ADAM23: variants seen among roughly 807,000 people sequenced by gnomAD.
The protein encoded by ADAM23 is disintegrin and metalloproteinase domain-containing protein 23.
In ADAM23, 33 loss-of-function variants were observed where a neutral mutation model predicts 120.1. The ratio of observed to expected loss-of-function variants is 0.27; its 90% CI spans 0.21 to 0.37. The LOEUF is 0.37. Ranked by LOEUF, ADAM23 falls within the 10% of genes least tolerant of loss-of-function variation. The pLI is 1.00. For synonymous variants in ADAM23, 367 were observed against 375.2 expected (o/e 0.98, Z 0.25); for missense variants, 862 against 1,058.2 (o/e 0.81, Z 2.57).
intron 3 of ADAM23, among the ~76,000 whole-genome samples, chr2:206,499,763 A>G (rs1303548446): frequency 6.6e-6 from 1 of 152,176 alleles, no homozygotes; most frequent in African/African-American, 2.4e-5. Context: ...ACATCTAGTG[A>G]CAACAGTGCT....
At chr2:206,479,882 T>A (rs1327840765) in intron 2 of ADAM23, among the ~76,000 whole-genome samples, 2 of 152,224 alleles carry the variant, frequency 1.3e-5, no homozygotes, top group Non-Finnish European at 2.9e-5. Flanking sequence ...GGATTATTAT[T>A]GAGTGACTAT....
At position 206,444,019 on chromosome 2, in the gene ADAM23, C is replaced by T; in HGVS notation, c.153C>T (p.Leu51=). The change falls in exon 1 of 26, where the codon CTC becomes CTT. Residue 51 remains leucine, a synonymous_variant. Transcript: ENST00000264377. ...TPPCRLLLVL[L]LLPPLAASSR... is the part of the protein sequence containing the mutation. ...CCTGCCGCCTGCTTCTCGTCCTTCTCCTGCTGCCTCCGCTCGCCGCCTCGT... is the reference window on the plus strand; with the variant it reads ...CCTGCCGCCTGCTTCTCGTCCTTCTTCTGCTGCCTCCGCTCGCCGCCTCGT... 1.4e-6 allele frequency: 2 copies of T among 1,411,674 alleles called. No individual in the cohort carries two copies. Among genetic ancestry groups the T allele is most frequent in the Non-Finnish European group, 1.9e-6 (2 of 1,079,276 alleles). 87.4% of individuals were successfully genotyped at this position (1,411,674 alleles called of 1,614,324 possible).
At chr2:206,588,696 A>G (rs773652745) in intron 20 of ADAM23, among the ~76,000 whole-genome samples, 2 of 152,192 alleles carry the variant, frequency 1.3e-5, no homozygotes, top group Non-Finnish European at 2.9e-5. Flanking sequence ...CCTGACATTT[A>G]CAGTGCCTCT....
chr2:206,519,303 A>G (rs1024676328), intron 3 of ADAM23, among the ~76,000 whole-genome samples: 1 of 152,212 alleles, frequency 6.6e-6, no homozygotes, highest in African/African-American at 2.4e-5. Flanking sequence ...TTTTTCCAAT[A>G]TATTCTGTAA....
At chr2:206,589,728 A>C (rs187518423) in intron 21 of ADAM23, among the ~76,000 whole-genome samples, 433 of 152,326 alleles carry the variant, frequency 2.8e-3, no homozygotes, top group African/African-American at 9.8e-3. Flanking sequence ...CATTTTCACA[A>C]AATTCAGAAA....
At chr2:206,559,864 C>A (rs746902865) in intron 10 of ADAM23, 91 bp from the exon 11 acceptor site, 74 of 1,154,104 alleles carry the variant, frequency 6.4e-5, no homozygotes, top group Middle Eastern at 2.7e-4. Flanking sequence ...CTCACCTCCC[C>A]CTTCCTGTCC....
At chr2:206,579,893 A>G (rs1038028663) in intron 18 of ADAM23, among the ~76,000 whole-genome samples, 4 of 151,558 alleles carry the variant, frequency 2.6e-5, no homozygotes, top group African/African-American at 7.3e-5. Flanking sequence ...TGTGTCATCC[A>G]TGATTTCTTT....
At chr2:206,562,359 A>G (rs1697785606) in intron 13 of ADAM23, 66 bp downstream of exon 13, 2 of 1,127,822 alleles carry the variant, frequency 1.8e-6, no homozygotes, top group Non-Finnish European at 2.6e-6. Context: ...ATGTCCAGTC[A>G]ATAAATAAAT....
chr2:206,471,129 G>A (rs2300973), intron 2 of ADAM23, among the ~76,000 whole-genome samples: 42,693 of 152,046 alleles, frequency 0.28, 6,110 homozygotes, highest in South Asian at 0.31. Context: ...GCCTGGACAG[G>A]TCTGCTCAGC....
intron 4 of ADAM23, among the ~76,000 whole-genome samples, chr2:206,532,674 T>C (rs569331404): frequency 1.3e-5 from 2 of 152,174 alleles, no homozygotes; most frequent in Admixed American, 1.3e-4. Flanking sequence ...TCAAGATTTT[T>C]TAAATGTAGC....
intron 24 of ADAM23, among the ~76,000 whole-genome samples, chr2:206,600,897 G>A (rs558334014): frequency 3.5e-4 from 53 of 152,190 alleles, no homozygotes; most frequent in East Asian, 7.7e-4. Flanking sequence ...TTTTTTCTAC[G>A]TTGTTCATTT....
At chr2:206,510,063 G>A (rs995654256) in intron 3 of ADAM23, among the ~76,000 whole-genome samples, 2 of 152,088 alleles carry the variant, frequency 1.3e-5, no homozygotes, top group African/African-American at 4.8e-5. Context: ...TCCTAGACTT[G>A]GTCTCTTTAT....
intron 9 of ADAM23, among the ~76,000 whole-genome samples, chr2:206,552,975 A>G (rs1490439415): frequency 6.6e-6 from 1 of 152,064 alleles, no homozygotes; most frequent in East Asian, 1.9e-4. Flanking sequence ...GCCTATTATT[A>G]CTATTATTAA....
At chr2:206,446,345 G>T (rs1347272589) in intron 2 of ADAM23, among the ~76,000 whole-genome samples, 1 of 152,116 alleles carries the variant, frequency 6.6e-6, no homozygotes, top group Non-Finnish European at 1.5e-5. Context: ...TGGATTATCG[G>T]TTCTTCTGTT....
chr2:206,517,064 G>A (rs901259786), intron 3 of ADAM23, among the ~76,000 whole-genome samples: 3 of 151,930 alleles, frequency 2.0e-5, no homozygotes, highest in South Asian at 2.1e-4. Context: ...AAACACGCTC[G>A]TACACACAAC....
chr2:206,576,692 A>T (rs1405716223), intron 18 of ADAM23, among the ~76,000 whole-genome samples: 3 of 152,152 alleles, frequency 2.0e-5, no homozygotes, highest in African/African-American at 7.2e-5. Flanking sequence ...TTATGACTTT[A>T]TCTCTTTTAC....
intron 10 of ADAM23, among the ~76,000 whole-genome samples, chr2:206,558,921 T>TTGTG (rs1553560770): frequency 7.4e-5 from 10 of 134,800 alleles, no homozygotes; most frequent in African/African-American, 3.4e-4. Context: ...ATCCATTGGT[T>TTGTG]TTTGTTTGTT....
chr2:206,524,714 A>G (rs538455021), intron 3 of ADAM23, among the ~76,000 whole-genome samples: 1 of 152,320 alleles, frequency 6.6e-6, no homozygotes, highest in East Asian at 1.9e-4. Flanking sequence ...ACTCACTACC[A>G]TGAGAACAGT....
chr2:206,483,358 G>C (rs1411898584), intron 3 of ADAM23, among the ~76,000 whole-genome samples: 1 of 152,140 alleles, frequency 6.6e-6, no homozygotes, highest in Non-Finnish European at 1.5e-5. Context: ...ATAGATTTGA[G>C]GGGCTTTGGG....
Sources: gnomAD v4.1 joint callset for allele counts (sites outside exome capture counted in the v4.1 genomes callset) on GRCh38, gnomAD v4.1.1 for gene constraint, MANE v1.5 for transcripts, NCBI Gene and HGNC (gene_info 2026-07-23, HGNC 2026-07-21) for gene names.